The following BBX variants were observed in gnomAD, a reference collection of about 807,000 sequenced individuals.
BBX encodes the protein BBX high mobility group box domain containing.
In BBX, 30 loss-of-function variants were observed where a neutral mutation model predicts 100.2. The observed-to-expected ratio is 0.30, with a 90% CI of 0.22 to 0.41. BBX has a LOEUF of 0.41. Among genes scored for constraint, BBX ranks in the 10% least tolerant of loss-of-function variants. The probability of loss-of-function intolerance (pLI) is 1.00; values close to 1 mark genes in which losing one functional copy is unlikely to be tolerated. For missense variants in BBX, 1,023 were observed against 1,129.8 expected, an observed-to-expected ratio of 0.91 and a Z score of 1.35; for synonymous variants, 376 against 388.1, an observed-to-expected ratio of 0.97 and a Z score of 0.37.
intron 9 of BBX, among the ~76,000 whole-genome samples, chr3:107,749,485 G>T (rs1039992820): frequency 6.6e-6 from 1 of 152,144 alleles, no homozygotes; most frequent in Non-Finnish European, 1.5e-5. Flanking sequence ...TATTAGAAAG[G>T]TAGCGGCTCA....
intron 3 of BBX, among the ~76,000 whole-genome samples, chr3:107,671,692 A>G (rs1408649740): frequency 1.3e-5 from 2 of 152,106 alleles, no homozygotes; most frequent in Non-Finnish European, 2.9e-5. Flanking sequence ...AGAATAAAAC[A>G]ATTCACACAT....
intron 7 of BBX, 67 bp from the exon 8 acceptor site, chr3:107,744,563 A>G: frequency 1.7e-6 from 2 of 1,156,570 alleles, no homozygotes; most frequent in Non-Finnish European, 2.6e-6. Flanking sequence ...ATGAAGATAG[A>G]GCATTAAATG....
chr3:107,791,655 A>G (rs1165666498), intron 15 of BBX, among the ~76,000 whole-genome samples: 1 of 152,172 alleles, frequency 6.6e-6, no homozygotes, highest in Non-Finnish European at 1.5e-5. Context: ...TTGGCTGGGC[A>G]TGGGCAGGCC....
chr3:107,630,458 A>G (rs1203722894), intron 2 of BBX, among the ~76,000 whole-genome samples: 1 of 152,102 alleles, frequency 6.6e-6, no homozygotes, highest in Non-Finnish European at 1.5e-5. Context: ...CATTGCCTAA[A>G]CTATTTTGGA....
At chr3:107,618,090 G>T (rs575562307) in intron 2 of BBX, among the ~76,000 whole-genome samples, 53 of 151,702 alleles carry the variant, frequency 3.5e-4, no homozygotes, top group African/African-American at 1.2e-3. Flanking sequence ...ATCATGAATG[G>T]GTGTTGAATT....
intron 2 of BBX, among the ~76,000 whole-genome samples, chr3:107,615,635 C>T (rs1317419917): frequency 6.6e-6 from 1 of 152,076 alleles, no homozygotes; most frequent in African/African-American, 2.4e-5. Flanking sequence ...TTTGAAGGAA[C>T]ACATTCAGAC....
At chr3:107,552,814 A>G (rs2049802203) in intron 2 of BBX, among the ~76,000 whole-genome samples, 5 of 152,226 alleles carry the variant, frequency 3.3e-5, no homozygotes, top group Admixed American at 2.6e-4. Context: ...TCTGAAGCAC[A>G]GATATATTTC....
At chr3:107,586,134 T>G (rs1211851534) in intron 2 of BBX, among the ~76,000 whole-genome samples, 1 of 152,192 alleles carries the variant, frequency 6.6e-6, no homozygotes, top group Non-Finnish European at 1.5e-5. Flanking sequence ...CGGTGATTAT[T>G]TGGCTAAGAT....
At chr3:107,586,770 G>A (rs1384405026) in intron 2 of BBX, among the ~76,000 whole-genome samples, 1 of 149,470 alleles carries the variant, frequency 6.7e-6, no homozygotes, top group Non-Finnish European at 1.5e-5. Flanking sequence ...TTTTTTTTGA[G>A]ATGGAGTTTC....
At chr3:107,593,582 A>G (rs1357752613) in intron 2 of BBX, among the ~76,000 whole-genome samples, 2 of 152,230 alleles carry the variant, frequency 1.3e-5, no homozygotes, top group East Asian at 3.8e-4. Context: ...TGAACAAGAC[A>G]TGGGTCTTCT....
chr3:107,694,483 A>G (rs2060428179), intron 3 of BBX, among the ~76,000 whole-genome samples: 1 of 146,742 alleles, frequency 6.8e-6, no homozygotes, highest in Non-Finnish European at 1.5e-5. Flanking sequence ...TTCTGTTTAT[A>G]TGCTGGATTA....
chr3:107,614,748 C>G (rs2055125858), intron 2 of BBX, among the ~76,000 whole-genome samples: 1 of 151,946 alleles, frequency 6.6e-6, no homozygotes, highest in Non-Finnish European at 1.5e-5. Flanking sequence ...TATATTCAGG[C>G]TATGGTTGGT....
chr3:107,560,091 G>A (rs1413143569), intron 2 of BBX, among the ~76,000 whole-genome samples: 2 of 151,592 alleles, frequency 1.3e-5, no homozygotes, highest in African/African-American at 2.4e-5. Flanking sequence ...TTTTTTCCTC[G>A]TCGACTCACA....
intron 3 of BBX, among the ~76,000 whole-genome samples, chr3:107,673,773 ATAC>A (rs1381745474): frequency 6.6e-6 from 1 of 152,136 alleles, no homozygotes; most frequent in African/African-American, 2.4e-5. Flanking sequence ...TTATCATAAA[ATAC>A]TACATGTAGA....
At chr3:107,567,569 A>T (rs647628) in intron 2 of BBX, among the ~76,000 whole-genome samples, 35,955 of 151,966 alleles carry the variant, frequency 0.24, 4,766 homozygotes, top group Non-Finnish European at 0.3. Context: ...CCTACTTTTT[A>T]AATTTCATTT....
At chr3:107,678,803 T>C (rs966018708) in intron 3 of BBX, among the ~76,000 whole-genome samples, 1 of 152,068 alleles carries the variant, frequency 6.6e-6, no homozygotes, top group African/African-American at 2.4e-5. Context: ...TTAATTATGA[T>C]GATAATGATA....
chr3:107,803,737 G>A (rs976699794), intron 17 of BBX, among the ~76,000 whole-genome samples: 3 of 152,118 alleles, frequency 2.0e-5, no homozygotes, highest in Non-Finnish European at 2.9e-5. Context: ...CTTATCTCGC[G>A]TACTGCCAAA....
chr3:107,583,826 A>G (rs1235579975), intron 2 of BBX, among the ~76,000 whole-genome samples: 1 of 127,214 alleles, frequency 7.9e-6, no homozygotes, highest in East Asian at 2.2e-4. Context: ...AATTTCTGGA[A>G]CTATTTTTTA....
chr3:107,721,666 T>G (rs779083436), intron 5 of BBX, among the ~76,000 whole-genome samples: 46 of 152,070 alleles, frequency 3.0e-4, no homozygotes, highest in Non-Finnish European at 6.3e-4. Flanking sequence ...TGATAATAAC[T>G]TTGTGAATAT....
Sources: gnomAD v4.1 joint callset for allele counts (sites outside exome capture counted in the v4.1 genomes callset) on GRCh38, gnomAD v4.1.1 for gene constraint, MANE v1.5 for transcripts, NCBI Gene and HGNC (gene_info 2026-07-23, HGNC 2026-07-21) for gene names.